THEMIS: variants seen among roughly 807,000 people sequenced by gnomAD.
THEMIS encodes thymocyte selection associated.
A neutral mutation model predicts 52.6 loss-of-function variants in THEMIS; 37 were observed. The ratio of observed to expected loss-of-function variants is 0.70; its 90% confidence interval spans 0.54 to 0.93. The LOEUF (loss-of-function observed/expected upper bound fraction) is 0.93. Among genes scored for constraint, THEMIS ranks in the 40% least tolerant of loss-of-function variants. The pLI is 0.00. For missense variants in THEMIS, 808 were observed against 763.1 expected (o/e 1.06, Z -0.69); for synonymous variants, 292 against 272.7 (o/e 1.07, Z -0.70).
chr6:127,854,263 A>G (rs1225686249), intron 2 of THEMIS, among the ~76,000 whole-genome samples: 1 of 151,792 alleles, frequency 6.6e-6, no homozygotes, highest in African/African-American at 2.4e-5. Flanking sequence ...TGGTTTATGT[A>G]TTATCCAGAG....
At chr6:127,736,055 C>T (rs1350017543) in intron 4 of THEMIS, among the ~76,000 whole-genome samples, 1 of 152,170 alleles carries the variant, frequency 6.6e-6, no homozygotes, top group East Asian at 1.9e-4. Context: ...TACCATCCAT[C>T]ACGGATTTTG....
At chr6:127,867,598 C>A (rs949444966) in intron 1 of THEMIS, among the ~76,000 whole-genome samples, 2 of 152,108 alleles carry the variant, frequency 1.3e-5, no homozygotes, top group African/African-American at 4.8e-5. Context: ...CCTATTGGCC[C>A]AAACTTAATC....
chr6:127,713,961 C>T (rs1342445206), intron 5 of THEMIS, among the ~76,000 whole-genome samples: 1 of 151,736 alleles, frequency 6.6e-6, no homozygotes, highest in Non-Finnish European at 1.5e-5. Context: ...GTGCAAGAAT[C>T]CAGATGAGAG....
intron 4 of THEMIS, among the ~76,000 whole-genome samples, chr6:127,720,596 T>C (rs917838695): frequency 6.6e-6 from 1 of 151,984 alleles, no homozygotes; most frequent in Non-Finnish European, 1.5e-5. Flanking sequence ...AGCGTAAATA[T>C]TAGCTAATCA....
At chr6:127,758,448 A>G (rs1775909209) in intron 4 of THEMIS, among the ~76,000 whole-genome samples, 2 of 147,920 alleles carry the variant, frequency 1.4e-5, no homozygotes, top group South Asian at 2.1e-4. Flanking sequence ...TATATAATAT[A>G]TATTATAAAT....
At chr6:127,748,461 AACTC>A (rs1775524580) in intron 4 of THEMIS, among the ~76,000 whole-genome samples, 1 of 152,054 alleles carries the variant, frequency 6.6e-6, no homozygotes, top group African/African-American at 2.4e-5. Context: ...TGAGATCAAG[AACTC>A]ACTCACTCTT....
intron 2 of THEMIS, among the ~76,000 whole-genome samples, chr6:127,842,737 A>G (rs1209899314): frequency 6.6e-6 from 1 of 151,996 alleles, no homozygotes; most frequent in Non-Finnish European, 1.5e-5. Flanking sequence ...GGTAATAAAT[A>G]TAATTTTTCT....
chr6:127,758,696 A>G (rs1227053095), intron 4 of THEMIS, among the ~76,000 whole-genome samples: 1 of 152,012 alleles, frequency 6.6e-6, no homozygotes. Flanking sequence ...AAGATTTCTA[A>G]TTGTGTGATT....
intron 3 of THEMIS, among the ~76,000 whole-genome samples, chr6:127,816,383 G>A (rs1405601705): frequency 6.6e-6 from 1 of 152,090 alleles, no homozygotes; most frequent in Non-Finnish European, 1.5e-5. Context: ...TTTCCTGAAT[G>A]CAGTATGTCT....
At chr6:127,892,899 T>C (rs1780853594) in intron 1 of THEMIS, among the ~76,000 whole-genome samples, 1 of 152,162 alleles carries the variant, frequency 6.6e-6, no homozygotes, top group Admixed American at 6.5e-5. Flanking sequence ...GATAGTAGAT[T>C]TGAATTTTTT....
intron 4 of THEMIS, among the ~76,000 whole-genome samples, chr6:127,764,137 G>A (rs911217095): frequency 1.3e-5 from 2 of 151,836 alleles, no homozygotes; most frequent in Non-Finnish European, 2.9e-5. Flanking sequence ...TTTATGATTG[G>A]CAATATTTAC....
chr6:127,700,090 A>G, the THEMIS span, among the ~76,000 whole-genome samples: 1 of 151,862 alleles, frequency 6.6e-6, no homozygotes, highest in Non-Finnish European at 1.5e-5. Flanking sequence ...TTATATACAT[A>G]TTTATGATTC....
intron 4 of THEMIS, among the ~76,000 whole-genome samples, chr6:127,798,403 T>C (rs1394754977): frequency 6.6e-6 from 1 of 152,202 alleles, no homozygotes; most frequent in Non-Finnish European, 1.5e-5. Flanking sequence ...GTGCACATTG[T>C]GCAGGTTAGT....
chr6:127,736,662 C>G (rs1011998012), intron 4 of THEMIS, among the ~76,000 whole-genome samples: 1 of 152,008 alleles, frequency 6.6e-6, no homozygotes, highest in South Asian at 2.1e-4. Flanking sequence ...AAATTGGAGT[C>G]TAGGCTAAAG....
chr6:127,852,012 G>A (rs971681420), intron 2 of THEMIS, among the ~76,000 whole-genome samples: 10 of 151,444 alleles, frequency 6.6e-5, no homozygotes, highest in Non-Finnish European at 1.2e-4. Flanking sequence ...ATCATACGTC[G>A]GGGACTGTCT....
chr6:127,855,076 T>C lies in THEMIS; in HGVS notation c.204A>G (p.Glu68=). The C allele has an allele frequency of 6.2e-7, 1 of 1,611,368 alleles. No homozygotes were observed. Among genetic ancestry groups the C allele is most frequent in the Non-Finnish European group, 8.5e-7 (1 of 1,178,552 alleles). The stretch of plus-strand genomic sequence containing the variant: ...CAAATGGCTGTAGAGACTCACAACC[T>C]TCAATCTGCTCACAAATTTCAGCTA... ...KIIAEICEQI[E]GCESLQPFEL... is the part of the protein sequence containing the mutation. Residue 68 remains glutamate, a synonymous_variant, in exon 2 of 6, where the codon GAA becomes GAG. Coordinates refer to ENST00000368248, the MANE Select transcript of THEMIS (RefSeq NM_001010923.3).
chr6:127,719,667 G>A, intron 5 of THEMIS, 21 bp downstream of exon 5: 1 of 1,586,944 alleles, frequency 6.3e-7, no homozygotes, highest in Non-Finnish European at 8.6e-7. Context: ...TGGTTTAACT[G>A]ACCTATAGTC....
chr6:127,857,919 G>A (rs270035), intron 1 of THEMIS, among the ~76,000 whole-genome samples: 84,746 of 151,860 alleles, frequency 0.56, 25,154 homozygotes, highest in East Asian at 0.83. Context: ...TGGAGAGAGG[G>A]AAAGGGAAGG....
rs779794499 is a variant in THEMIS at position 127,813,571 on chromosome 6, A to G, written c.1070T>C (p.Ile357Thr). The G allele has an allele frequency of 3.1e-6, 5 of 1,613,778 alleles. No homozygotes were observed. Among genetic ancestry groups the G allele is most frequent in the South Asian group, 1.1e-5 (1 of 91,028 alleles). ...AAGAGGCTCCTTTTCACTCTTAGCGATCTCTAGGTCATAGGCCGTTGGGAA... is the reference window on the plus strand; with the variant it reads ...AAGAGGCTCCTTTTCACTCTTAGCGGTCTCTAGGTCATAGGCCGTTGGGAA... ...REFPTAYDLEIAKSEKEPLHV... is the reference protein window; with the variant it reads ...REFPTAYDLETAKSEKEPLHV... The change falls in exon 4 of 6, where the codon ATC becomes ACC. Residue 357 changes from isoleucine (I) to threonine (T), a missense_variant. Coordinates refer to ENST00000368248, the MANE Select transcript of THEMIS (RefSeq NM_001010923.3).
Sources: gnomAD v4.1 joint callset for allele counts (sites outside exome capture counted in the v4.1 genomes callset) on GRCh38, gnomAD v4.1.1 for gene constraint, MANE v1.5 for transcripts, NCBI Gene and HGNC (gene_info 2026-07-23, HGNC 2026-07-21) for gene names.